ROBO2: variants seen among roughly 807,000 people sequenced by gnomAD.
The protein encoded by ROBO2 is roundabout homolog 2.
Under a neutral mutation model 160.8 loss-of-function variants are expected in ROBO2, and 53 were observed. The ratio of observed to expected loss-of-function variants is 0.33; its 90% CI spans 0.26 to 0.41. The LOEUF (loss-of-function observed/expected upper bound fraction) is 0.41. Ranked by LOEUF, ROBO2 falls within the 10% of genes least tolerant of loss-of-function variation. The probability of loss-of-function intolerance (pLI) is 1.00; values close to 1 mark genes in which losing one functional copy is unlikely to be tolerated. For synonymous variants in ROBO2, 664 were observed against 611.7 expected (o/e 1.09, Z -1.26); for missense variants, 1,577 against 1,722.4 (o/e 0.92, Z 1.49).
chr3:76,646,254 A>C (rs2090965186), intron 2 of ROBO2, among the ~76,000 whole-genome samples: 1 of 152,216 alleles, frequency 6.6e-6, no homozygotes, highest in African/African-American at 2.4e-5. Flanking sequence ...GGCTAAGTGG[A>C]AAGGATTTCT....
chr3:76,634,306 G>T (rs2090191564), intron 2 of ROBO2, among the ~76,000 whole-genome samples: 1 of 152,128 alleles, frequency 6.6e-6, no homozygotes. Flanking sequence ...AGTGGCTTAT[G>T]CCTGTAATCC....
intron 2 of ROBO2, among the ~76,000 whole-genome samples, chr3:76,217,608 A>G (rs1290351618): frequency 1.3e-5 from 2 of 152,198 alleles, no homozygotes; most frequent in Non-Finnish European, 2.9e-5. Context: ...CCAAGACTAA[A>G]CCAGGAAGAA....
At chr3:75,933,576 C>G (rs1197043518) in intron 1 of ROBO2, among the ~76,000 whole-genome samples, 1 of 151,940 alleles carries the variant, frequency 6.6e-6, no homozygotes, top group African/African-American at 2.4e-5. Flanking sequence ...ACTAGAGTCA[C>G]TCTTTCTAGA....
At chr3:77,039,201 C>A (rs1162865374), upstream of ROBO2, among the ~76,000 whole-genome samples, 2 of 151,768 alleles carry the variant, frequency 1.3e-5, no homozygotes, top group Non-Finnish European at 2.9e-5. Context: ...TTTTCTCCCC[C>A]TTGTGCTTTT....
chr3:75,915,616 A>G (rs1196517685), intron 1 of ROBO2, among the ~76,000 whole-genome samples: 1 of 152,178 alleles, frequency 6.6e-6, no homozygotes, highest in Non-Finnish European at 1.5e-5. Flanking sequence ...TGGTGGCTCT[A>G]GAATTACATA....
intron 2 of ROBO2, among the ~76,000 whole-genome samples, chr3:76,242,786 A>G (rs1350013779): frequency 6.6e-6 from 1 of 152,048 alleles, no homozygotes; most frequent in African/African-American, 2.4e-5. Context: ...CTGGGAGGCT[A>G]AGGTGGGAAG....
At chr3:76,835,507 AATAG>A (rs1053701956) in intron 2 of ROBO2, among the ~76,000 whole-genome samples, 2 of 150,252 alleles carry the variant, frequency 1.3e-5, no homozygotes, top group African/African-American at 4.9e-5. Context: ...GGCAAAGACT[AATAG>A]ATGTATACAT....
chr3:77,078,677 CA>C (rs2068282906), intron 1 of ROBO2, among the ~76,000 whole-genome samples: 1 of 152,146 alleles, frequency 6.6e-6, no homozygotes, highest in African/African-American at 2.4e-5. Flanking sequence ...GTTCTAGTAG[CA>C]AATGTAAAAC....
chr3:75,978,939 A>G (rs2065204247), intron 2 of ROBO2, among the ~76,000 whole-genome samples: 1 of 151,416 alleles, frequency 6.6e-6, no homozygotes. Flanking sequence ...CTCTCCCTCC[A>G]CCATGAGATC....
intron 2 of ROBO2, among the ~76,000 whole-genome samples, chr3:75,946,571 G>T (rs1948301259): frequency 6.6e-6 from 1 of 152,078 alleles, no homozygotes; most frequent in African/African-American, 2.4e-5. Context: ...CTGGCTATAG[G>T]TATTTCAGAT....
At chr3:77,271,931 G>A (rs537396652) in intron 2 of ROBO2, among the ~76,000 whole-genome samples, 1 of 152,290 alleles carries the variant, frequency 6.6e-6, no homozygotes, top group South Asian at 2.1e-4. Context: ...GGTGGATAGT[G>A]GTTGGGAATT....
chr3:75,959,537 T>C (rs1453136178), intron 2 of ROBO2, among the ~76,000 whole-genome samples: 2 of 151,832 alleles, frequency 1.3e-5, no homozygotes, highest in Non-Finnish European at 2.9e-5. Context: ...GAATTACTTA[T>C]AATTTTTGTT....
At chr3:76,344,839 G>A (rs1257365856) in intron 2 of ROBO2, among the ~76,000 whole-genome samples, 1 of 152,082 alleles carries the variant, frequency 6.6e-6, no homozygotes, top group Non-Finnish European at 1.5e-5. Context: ...CAGTGACTGT[G>A]GACAAAATGT....
At chr3:76,743,469 A>T (rs2093835709) in intron 2 of ROBO2, among the ~76,000 whole-genome samples, 1 of 152,152 alleles carries the variant, frequency 6.6e-6, no homozygotes, top group Admixed American at 6.6e-5. Flanking sequence ...TTTTAAAAAA[A>T]GAGTACTGTT....
In ROBO2 at chr3:76,516,302, C is replaced by A. The variant is rs1577810566; in HGVS notation, c.109+578700C>A. Among the ~76,000 whole-genome samples the A allele has an allele frequency of 2.0e-5, 3 of 152,264 alleles. No individual in the cohort carries two copies. The South Asian group carries it at 6.2e-4, about 32-fold the overall frequency. On this transcript the variant is annotated intron_variant, in intron 2 of 26. Transcript: ENST00000487694. ...TCTTTTCTCCCATCCTACCTCCATA[C>A]CCACACCTGCTGCTGTTCATACCAA... is the stretch of plus-strand genomic sequence containing the variant.
chr3:76,606,386 T>A (rs2087657558), intron 2 of ROBO2, among the ~76,000 whole-genome samples: 1 of 152,176 alleles, frequency 6.6e-6, no homozygotes, highest in Non-Finnish European at 1.5e-5. Context: ...TGGTGTATGT[T>A]TTCTCTACGA....
intron 2 of ROBO2, among the ~76,000 whole-genome samples, chr3:76,053,289 G>C (rs1255415307): frequency 6.6e-6 from 1 of 152,004 alleles, no homozygotes; most frequent in East Asian, 1.9e-4. Flanking sequence ...CAAAGTTACT[G>C]AGACATAGAG....
chr3:76,223,289 G>A (rs1328537364), intron 2 of ROBO2, among the ~76,000 whole-genome samples: 4 of 151,858 alleles, frequency 2.6e-5, no homozygotes, highest in African/African-American at 9.7e-5. Flanking sequence ...TATTCCAACT[G>A]CCTCAGGAGA....
intron 1 of ROBO2, among the ~76,000 whole-genome samples, chr3:77,055,041 G>A (rs144914990): frequency 1.3e-5 from 2 of 151,246 alleles, no homozygotes; most frequent in East Asian, 1.9e-4. Context: ...GAATTATGGT[G>A]CAACAATAAG....
Sources: allele counts gnomAD v4.1 joint callset (sites outside exome capture counted in the v4.1 genomes callset), GRCh38; gene constraint gnomAD v4.1.1; transcripts MANE v1.5; gene names NCBI Gene and HGNC (gene_info 2026-07-23, HGNC 2026-07-21).